CLSTN2: variants seen among roughly 807,000 people sequenced by gnomAD.
The protein encoded by CLSTN2 is calsyntenin-2.
A neutral mutation model predicts 101.2 loss-of-function variants in CLSTN2; 48 were observed. The observed-to-expected ratio is 0.47, with a 90% confidence interval of 0.38 to 0.60. The LOEUF (loss-of-function observed/expected upper bound fraction) is 0.60, where lower values mean the gene tolerates loss of function less well. Among genes scored for constraint, CLSTN2 ranks in the 20% least tolerant of loss-of-function variants. CLSTN2 has a pLI of 0.00. For missense variants in CLSTN2, 1,160 were observed against 1,238.2 expected (o/e 0.94, Z 0.95); for synonymous variants, 481 against 463.6 (o/e 1.04, Z -0.48).
intron 8 of CLSTN2, among the ~76,000 whole-genome samples, chr3:140,495,073 C>A (rs528103882): frequency 6.6e-6 from 1 of 152,200 alleles, no homozygotes; most frequent in Non-Finnish European, 1.5e-5. Context: ...AAATTACACT[C>A]CCACCAACTG....
intron 1 of CLSTN2, among the ~76,000 whole-genome samples, chr3:140,044,876 A>G (rs964979651): frequency 3.9e-5 from 6 of 152,184 alleles, no homozygotes; most frequent in Admixed American, 6.5e-5. Context: ...CCCAGGGATG[A>G]AGCCCACTTG....
At chr3:140,234,236 G>A (rs919714591) in intron 2 of CLSTN2, among the ~76,000 whole-genome samples, 24 of 152,222 alleles carry the variant, frequency 1.6e-4, no homozygotes, top group Non-Finnish European at 2.8e-4. Flanking sequence ...GTACTTTCAT[G>A]TTCATTAAGG....
chr3:140,422,603 G>T (rs187430732), intron 5 of CLSTN2, among the ~76,000 whole-genome samples: 1 of 152,274 alleles, frequency 6.6e-6, no homozygotes, highest in Non-Finnish European at 1.5e-5. Flanking sequence ...CTCAGTAAAG[G>T]AACCACAGGT....
At chr3:140,416,999 C>T (rs1473792527) in intron 4 of CLSTN2, among the ~76,000 whole-genome samples, 5 of 152,132 alleles carry the variant, frequency 3.3e-5, no homozygotes, top group African/African-American at 1.2e-4. Flanking sequence ...TGTTATATGC[C>T]TTGTGTGGGA....
At chr3:140,299,974 A>G (rs998106908) in intron 2 of CLSTN2, among the ~76,000 whole-genome samples, 3 of 152,198 alleles carry the variant, frequency 2.0e-5, no homozygotes, top group Non-Finnish European at 4.4e-5. Flanking sequence ...TTTTGTGTAC[A>G]GCCTTGCCTT....
At chr3:140,453,759 T>G (rs1933312061) in intron 6 of CLSTN2, among the ~76,000 whole-genome samples, 1 of 152,200 alleles carries the variant, frequency 6.6e-6, no homozygotes, top group Admixed American at 6.5e-5. Flanking sequence ...CAATTTAAAT[T>G]GTTTAACGTA....
At chr3:140,187,451 C>A (rs958625395) in intron 2 of CLSTN2, among the ~76,000 whole-genome samples, 8 of 152,178 alleles carry the variant, frequency 5.3e-5, no homozygotes, top group Non-Finnish European at 8.8e-5. Context: ...TCTCTTCTGG[C>A]CTACTCTTGC....
In CLSTN2 at chr3:140,575,951, T is replaced by C. The variant is rs1206164455; in HGVS notation, c.*9698T>C. 6.6e-6 allele frequency: 1 copy of C among 152,212 alleles called. No homozygotes were observed. The highest frequency in any genetic ancestry group is 1.5e-5 in the Non-Finnish European group (1 of 68,032). 9.4% of individuals were successfully genotyped at this position (152,212 alleles called of 1,614,324 possible). A position where few individuals can be genotyped will look rare whatever the true frequency, so the allele number is the denominator to read the frequency against. On this transcript the variant is annotated 3_prime_UTR_variant, in exon 17 of 17. Transcript: ENST00000458420. ...CACTGGTTGGGATGTTACATGTTTT[T>C]TCACTGTTGTTGTTTACCGTTAGCT...
chr3:140,492,769 C>A (rs1398253125), intron 8 of CLSTN2, among the ~76,000 whole-genome samples: 2 of 152,158 alleles, frequency 1.3e-5, no homozygotes, highest in Non-Finnish European at 2.9e-5. Flanking sequence ...AGAACTAGAG[C>A]TGTGTCTGAC....
intron 1 of CLSTN2, among the ~76,000 whole-genome samples, chr3:140,023,306 C>G (rs114014173): frequency 6.6e-6 from 1 of 152,094 alleles, no homozygotes; most frequent in African/African-American, 2.4e-5. Flanking sequence ...ATAAGGAGCG[C>G]GCAAACCTCA....
intron 2 of CLSTN2, among the ~76,000 whole-genome samples, chr3:140,243,405 G>T (rs1479918816): frequency 1.3e-5 from 2 of 152,328 alleles, no homozygotes; most frequent in South Asian, 2.1e-4. Flanking sequence ...AAGGGGTCTT[G>T]GTGTCCTGAG....
intron 1 of CLSTN2, among the ~76,000 whole-genome samples, chr3:140,138,045 G>A (rs957521064): frequency 4.6e-5 from 7 of 152,164 alleles, no homozygotes; most frequent in African/African-American, 1.7e-4. Flanking sequence ...GGTCAGTGCA[G>A]CATGGAAGGG....
At chr3:140,335,749 A>G (rs138739141) in intron 2 of CLSTN2, among the ~76,000 whole-genome samples, 36 of 152,364 alleles carry the variant, frequency 2.4e-4, no homozygotes, top group African/African-American at 7.9e-4. Flanking sequence ...GCGATGCTAA[A>G]ATTAATTCAA....
chr3:140,184,080 C>T (rs866167772), intron 2 of CLSTN2, among the ~76,000 whole-genome samples: 6 of 152,272 alleles, frequency 3.9e-5, no homozygotes, highest in Middle Eastern at 3.4e-3. Flanking sequence ...ATGTCTCCAC[C>T]GGCTGTTAAT....
At chr3:140,546,368 G>C in intron 9 of CLSTN2, 147 bp from the exon 10 acceptor site, 1 of 723,404 alleles carries the variant, frequency 1.4e-6, no homozygotes, top group Non-Finnish European at 2.3e-6. Flanking sequence ...CTGAGATTCT[G>C]GCTACTGTGT....
rs184255880 is a variant in CLSTN2, at chr3:140,565,632, A to C, written c.2668-421A>C. Among the ~76,000 whole-genome samples the C allele has an allele frequency of 3.9e-5, 6 of 152,334 alleles. No homozygotes were observed. The East Asian group carries it at 1.2e-3, about 29-fold the overall frequency. On this transcript the variant is annotated intron_variant, in intron 16 of 16. Transcript: ENST00000458420. ...CTGCTCCCAGGGACATTGCATGCAC[A>C]CTTGGAAAAGAGACACAAGATCAAA...
chr3:139,990,089 G>T (rs1936092024), intron 1 of CLSTN2, among the ~76,000 whole-genome samples: 1 of 152,176 alleles, frequency 6.6e-6, no homozygotes, highest in Admixed American at 6.5e-5. Flanking sequence ...GCATTGGAAG[G>T]CTGTGAGTCA....
At chr3:140,484,288 G>C (rs1360763674) in intron 8 of CLSTN2, among the ~76,000 whole-genome samples, 4 of 152,102 alleles carry the variant, frequency 2.6e-5, no homozygotes, top group African/African-American at 7.2e-5. Flanking sequence ...GTCGAATATT[G>C]GCCCCCACTC....
In CLSTN2 at chr3:140,572,623, G is replaced by C. The variant is rs940933894; in HGVS notation, c.*6370G>C. 1 of 152,242 alleles carries C rather than the reference G, an allele frequency of 6.6e-6. No homozygotes were observed. Among genetic ancestry groups the C allele is most frequent in the African/African-American group, 2.4e-5 (1 of 41,446 alleles). The allele number at this position is 152,242 out of a possible 1,614,324, so 9.4% of individuals were successfully genotyped here. The stretch of plus-strand genomic sequence containing the variant: ...GTGCTGAGGAGCAGTGGTTCCCTGG[G>C]CCAGCTGCATCACCTGGGAACATGT... On this transcript the variant is annotated 3_prime_UTR_variant, in exon 17 of 17. Transcript: ENST00000458420.
Sources: gnomAD v4.1 joint callset for allele counts (sites outside exome capture counted in the v4.1 genomes callset) on GRCh38, gnomAD v4.1.1 for gene constraint, MANE v1.5 for transcripts, NCBI Gene and HGNC (gene_info 2026-07-23, HGNC 2026-07-21) for gene names.